MARCHF11: variants seen among roughly 807,000 people sequenced by gnomAD.
MARCHF11 encodes the protein membrane associated ring-CH-type finger 11, also known as E3 ubiquitin-protein ligase MARCHF11.
Under a neutral mutation model 37.3 loss-of-function variants are expected in MARCHF11, and 29 were observed. That is an observed-to-expected ratio of 0.78 (90% CI 0.58 to 1.06). The LOEUF (loss-of-function observed/expected upper bound fraction) is 1.06, where lower values mean the gene tolerates loss of function less well. MARCHF11 is among the 50% of genes least tolerant of loss of function. The pLI, the probability that MARCHF11 is intolerant of heterozygous loss-of-function variation, is 0.00. For missense variants in MARCHF11, 482 were observed against 533.4 expected, an observed-to-expected ratio of 0.90 and a Z score of 0.95; for synonymous variants, 233 against 228.0, an observed-to-expected ratio of 1.02 and a Z score of -0.20.
chr5:16,165,736 C>T (rs1380227886), intron 2 of MARCHF11, among the ~76,000 whole-genome samples: 1 of 152,170 alleles, frequency 6.6e-6, no homozygotes, highest in African/African-American at 2.4e-5. Flanking sequence ...AGTGATAATG[C>T]TATCAGTTAT....
intron 2 of MARCHF11, among the ~76,000 whole-genome samples, chr5:16,170,464 C>G (rs886150360): frequency 1.3e-5 from 2 of 152,096 alleles, no homozygotes; most frequent in Non-Finnish European, 2.9e-5. Context: ...CATACTTGCC[C>G]AGGCAACTTG....
At chr5:16,121,964 T>G (rs1263103963) in intron 2 of MARCHF11, among the ~76,000 whole-genome samples, 1 of 152,196 alleles carries the variant, frequency 6.6e-6, no homozygotes, top group Non-Finnish European at 1.5e-5. Context: ...TTGGTGCTAT[T>G]ATGATGCTCT....
intron 2 of MARCHF11, among the ~76,000 whole-genome samples, chr5:16,147,366 C>T (rs1373802786): frequency 3.9e-5 from 6 of 152,100 alleles, no homozygotes; most frequent in Non-Finnish European, 8.8e-5. Flanking sequence ...GCAGTTACTA[C>T]TATTATTATC....
intron 2 of MARCHF11, among the ~76,000 whole-genome samples, chr5:16,148,367 TGG>T (rs1737840070): frequency 6.6e-6 from 1 of 152,140 alleles, no homozygotes; most frequent in Non-Finnish European, 1.5e-5. Context: ...AGTGGCTACA[TGG>T]GATTTTCCTC....
rs549415140 is a variant in MARCHF11 at position 16,090,740 on chromosome 5, C to G, written c.886+149G>C. 502 of 549,752 alleles carry G rather than the reference C, an allele frequency of 9.1e-4. No individual in the cohort carries two copies. The Middle Eastern group carries it at 0.016, about 17-fold the overall frequency. The allele number at this position is 549,752 out of a possible 1,614,324, so 34.1% of individuals were successfully genotyped here. A position where few individuals can be genotyped will look rare whatever the true frequency, so the allele number is the denominator to read the frequency against. On this transcript the variant is annotated intron_variant, in intron 3 of 3. Transcript: ENST00000332432. The stretch of plus-strand genomic sequence containing the variant: ...ATGCTATGCTTTCTTAGAAAAGCAG[C>G]CCAATTGTGACCCGCAGCTAATTCA...
At chr5:16,115,648 A>G (rs1316430006) in intron 2 of MARCHF11, among the ~76,000 whole-genome samples, 3 of 146,998 alleles carry the variant, frequency 2.0e-5, no homozygotes, top group Non-Finnish European at 3.0e-5. Flanking sequence ...TTTTTTTGAG[A>G]TGGAGTTTCA....
At chr5:16,141,054 T>G (rs952270173) in intron 2 of MARCHF11, 1 of 152,398 alleles carries the variant, frequency 6.6e-6, no homozygotes, top group South Asian at 2.1e-4. Context: ...GTACAGGATG[T>G]GGGGGCTGGG....
At position 16,133,030 on chromosome 5, in the gene MARCHF11, T is replaced by A. The variant is rs373713087; in HGVS notation, c.694-41949A>T. 4.6e-5 allele frequency among the ~76,000 whole-genome samples: 7 copies of A among 152,154 alleles called. No homozygotes were observed. In the East Asian group the frequency reaches 9.6e-4, roughly 21 times the overall value. ...ATTTTAAAAAAGTTTATTTGACATA[T>A]CTTAGAAAAAATAATCAAAAGGATG... On this transcript the variant is annotated intron_variant, in intron 2 of 3. Transcript: ENST00000332432.
chr5:16,111,417 G>C (rs1737135213), intron 2 of MARCHF11, among the ~76,000 whole-genome samples: 1 of 152,202 alleles, frequency 6.6e-6, no homozygotes, highest in Non-Finnish European at 1.5e-5. Context: ...TGTGACTCTT[G>C]CTATGTTTTA....
At chr5:16,088,012 T>C (rs1475137338) in intron 3 of MARCHF11, among the ~76,000 whole-genome samples, 1 of 152,240 alleles carries the variant, frequency 6.6e-6, no homozygotes, top group Non-Finnish European at 1.5e-5. Flanking sequence ...GAACCAAGTT[T>C]GGAAAGCTTG....
intron 2 of MARCHF11, among the ~76,000 whole-genome samples, chr5:16,099,636 C>T (rs1473226848): frequency 6.6e-6 from 1 of 151,994 alleles, no homozygotes; most frequent in East Asian, 1.9e-4. Flanking sequence ...AAAGAGACCA[C>T]TCATTTGAAG....
intron 2 of MARCHF11, among the ~76,000 whole-genome samples, chr5:16,154,775 A>G (rs1737939505): frequency 6.6e-6 from 1 of 151,968 alleles, no homozygotes; most frequent in African/African-American, 2.4e-5. Context: ...GGGAAACACA[A>G]GTTTAAAATA....
Position 16,179,649 on chromosome 5 carries a change from A to AG in MARCHF11, c.-75dup. The AG allele has an allele frequency of 1.4e-6, 1 of 726,142 alleles. No homozygotes were observed. The highest frequency in any genetic ancestry group is 1.6e-6 in the Non-Finnish European group (1 of 640,670). The allele number at this position is 726,142 out of a possible 1,614,324, so 45.0% of individuals were successfully genotyped here. A position where few individuals can be genotyped will look rare whatever the true frequency, so the allele number is the denominator to read the frequency against. ...CTGGCTGCAGGGAAAGAGAGCGCGG[A>AG]GGGGGCGGGAGGGAGAGGGGAAAAG... On this transcript the variant is annotated 5_prime_UTR_variant, in exon 1 of 4. Coordinates refer to ENST00000332432, the MANE Select transcript of MARCHF11 (RefSeq NM_001102562.3).
chr5:16,104,698 A>AG (rs1248872799), intron 2 of MARCHF11, among the ~76,000 whole-genome samples: 90 of 151,510 alleles, frequency 5.9e-4, no homozygotes, highest in Non-Finnish European at 5.9e-5. Context: ...AAAAAAGTTC[A>AG]GGTTTTTTTG....
chr5:16,178,973 G>GC, intron 1 of MARCHF11, 66 bp downstream of exon 1: 1 of 1,362,256 alleles, frequency 7.3e-7, no homozygotes, highest in Non-Finnish European at 9.4e-7. Flanking sequence ...TGTCCGTGGT[G>GC]CTGAAAGCTT....
At chr5:16,096,335 G>A (rs1030010209) in intron 2 of MARCHF11, among the ~76,000 whole-genome samples, 4 of 152,142 alleles carry the variant, frequency 2.6e-5, no homozygotes, top group South Asian at 2.1e-4. Flanking sequence ...ACACGAAGAC[G>A]ACAAACTCAA....
At position 16,179,220 on chromosome 5, in the gene MARCHF11, G is replaced by A; in HGVS notation, c.356C>T (p.Pro119Leu). The A allele has an allele frequency of 7.4e-7, 1 of 1,351,172 alleles. No homozygotes were observed. The highest frequency in any genetic ancestry group is 9.5e-7 in the Non-Finnish European group (1 of 1,053,692). 83.7% of individuals were successfully genotyped at this position (1,351,172 alleles called of 1,614,324 possible). ...LPEAAAAKGG[P>L]GESEAGAGGE... ...GCCCGCGCCGGCCTCAGACTCCCCG[G>A]GGCCGCCTTTCGCTGCTGCCGCCTC... The change falls in exon 1 of 4, where the codon CCC becomes CTC. Residue 119 changes from proline to leucine, a missense_variant. Pro to Leu is a moderately conservative substitution (Grantham distance 98). Transcript: ENST00000332432.
intron 2 of MARCHF11, among the ~76,000 whole-genome samples, chr5:16,166,694 T>C (rs925651059): frequency 7.2e-5 from 11 of 152,046 alleles, no homozygotes; most frequent in Non-Finnish European, 1.2e-4. Flanking sequence ...CTATGAAATA[T>C]AGAAATGATT....
intron 2 of MARCHF11, chr5:16,141,259 T>C (rs1431748110): frequency 6.6e-6 from 1 of 152,136 alleles, no homozygotes; most frequent in African/African-American, 2.4e-5. Context: ...GTGCGAATAT[T>C]TACTGAGTGT....
Sources: gnomAD v4.1 joint callset for allele counts (sites outside exome capture counted in the v4.1 genomes callset) on GRCh38, gnomAD v4.1.1 for gene constraint, MANE v1.5 for transcripts, NCBI Gene and HGNC (gene_info 2026-07-23, HGNC 2026-07-21) for gene names.